Variants in PVT1 observed in about 807,000 individuals in gnomAD.
PVT1 encodes the protein Pvt1 oncogene, also known as CXCR4/PVT1 fusion.
Position 128,091,013 on chromosome 8 carries a change from A to AT in PVT1, n.1115-5499dup, listed in dbSNP as rs552854495. On this transcript the variant is annotated intron_variant and non_coding_transcript_variant, in intron 5 of 10. Coordinates refer to ENST00000651587, the Ensembl canonical transcript of PVT1. ...GATCCTCCTCTGTAAAATGGGAATA[A>AT]TTTTTTCACCTTTCCCACAGACTTT... is the stretch of plus-strand genomic sequence containing the variant. Among the ~76,000 whole-genome samples the AT allele has an allele frequency of 1.3e-3, 194 of 152,176 alleles. 1 individual carries two copies. Among genetic ancestry groups the AT allele is most frequent in the African/African-American group, 4.3e-3 (179 of 41,516 alleles).
rs919642051 is a variant in PVT1, at chr8:127,937,367, G to C, written n.782+46369G>C. 4.6e-5 allele frequency among the ~76,000 whole-genome samples: 7 copies of C among 151,794 alleles called. No individual in the cohort carries two copies. In the South Asian group the frequency reaches 1.5e-3, roughly 32 times the overall value. On this transcript the variant is annotated intron_variant and non_coding_transcript_variant, in intron 3 of 10. Coordinates refer to ENST00000651587, the Ensembl canonical transcript of PVT1. ...GGTTCAAGTGATTTTTGTGCCTCTAGCCTCCTGAGTAGCTGGGATTCCAGG... is the reference window on the plus strand; with the variant it reads ...GGTTCAAGTGATTTTTGTGCCTCTACCCTCCTGAGTAGCTGGGATTCCAGG...
Position 128,002,111 on chromosome 8 carries a change from G to A in PVT1, n.912+12820G>A, listed in dbSNP as rs117788494. Among the ~76,000 whole-genome samples, 1,503 of 152,330 alleles carry A rather than the reference G, an allele frequency of 9.9e-3. 11 individuals are homozygous for A. The highest frequency in any genetic ancestry group is 0.017 in the Non-Finnish European group (1,148 of 68,040). On this transcript the variant is annotated intron_variant and non_coding_transcript_variant, in intron 4 of 10. Coordinates refer to ENST00000651587, the Ensembl canonical transcript of PVT1. ...GCCAGAACGTTATGTTTCTGAGGGTGAAACTTGAGTGATTAATTGACAGTA... is the reference window on the plus strand; with the variant it reads ...GCCAGAACGTTATGTTTCTGAGGGTAAAACTTGAGTGATTAATTGACAGTA...
intron 4 of PVT1, among the ~76,000 whole-genome samples, chr8:128,032,005 C>A (rs748619729): frequency 6.6e-6 from 1 of 152,150 alleles, no homozygotes; most frequent in South Asian, 2.1e-4. Flanking sequence ...ACAGCGATGG[C>A]GGTGGTGAAA....
At chr8:127,976,906 C>T (rs1816828368) in intron 3 of PVT1, among the ~76,000 whole-genome samples, 1 of 152,136 alleles carries the variant, frequency 6.6e-6, no homozygotes, top group Non-Finnish European at 1.5e-5. Flanking sequence ...TCCCAGCCTT[C>T]CCTGGAGTTT....
chr8:127,816,446 C>T (rs965187586), intron 2 of PVT1, among the ~76,000 whole-genome samples: 5 of 151,378 alleles, frequency 3.3e-5, no homozygotes, highest in East Asian at 1.9e-4. Context: ...CTATGCCAGG[C>T]CAACTCTTAT....
intron 3 of PVT1, among the ~76,000 whole-genome samples, chr8:127,914,509 A>G (rs1815955628): frequency 6.6e-6 from 1 of 152,292 alleles, no homozygotes; most frequent in East Asian, 1.9e-4. Flanking sequence ...AAGCTTTTAC[A>G]GGCATGTGCA....
intron 4 of PVT1, among the ~76,000 whole-genome samples, chr8:128,027,889 G>A (rs143618906): frequency 6.6e-6 from 1 of 152,326 alleles, no homozygotes; most frequent in East Asian, 1.9e-4. Context: ...CTCCTGCCAA[G>A]GCACAGCCTT....
At chr8:127,921,839 T>C (rs1037438756) in intron 3 of PVT1, among the ~76,000 whole-genome samples, 2 of 143,208 alleles carry the variant, frequency 1.4e-5, no homozygotes, top group African/African-American at 5.1e-5. Flanking sequence ...AAAAAAATTA[T>C]AATTTTTGGT....
At chr8:127,828,198 T>C in intron 2 of PVT1, among the ~76,000 whole-genome samples, 1 of 152,184 alleles carries the variant, frequency 6.6e-6, no homozygotes, top group East Asian at 1.9e-4. Context: ...GGCTCTCTCC[T>C]CATTTCATTC....
chr8:127,931,616 T>G (rs879290572), intron 3 of PVT1, among the ~76,000 whole-genome samples: 1 of 152,182 alleles, frequency 6.6e-6, no homozygotes, highest in Non-Finnish European at 1.5e-5. Context: ...AGCTGGAAAG[T>G]GGTAGAGCTG....
chr8:127,936,573 T>C (rs879792771), intron 3 of PVT1, among the ~76,000 whole-genome samples: 1 of 152,132 alleles, frequency 6.6e-6, no homozygotes, highest in Non-Finnish European at 1.5e-5. Context: ...CTGTGCATCC[T>C]ACCGCTCCAC....
Position 127,922,548 on chromosome 8 carries a change from C to T in PVT1, n.782+31550C>T, listed in dbSNP as rs79762847. Among the ~76,000 whole-genome samples, 679 of 152,286 alleles carry T rather than the reference C, an allele frequency of 4.5e-3. 35 individuals are homozygous for T. The East Asian group carries it at 0.1, about 23-fold the overall frequency. The stretch of plus-strand genomic sequence containing the variant: ...AGTTCACTCTTCTTTGCCTTGACTG[C>T]ACCTCTCTGAGCTACCTTCCTACCT... On this transcript the variant is annotated intron_variant and non_coding_transcript_variant, in intron 3 of 10. Coordinates refer to ENST00000651587, the Ensembl canonical transcript of PVT1.
chr8:127,940,234 G>A (rs1338751309), intron 3 of PVT1: 1 of 152,136 alleles, frequency 6.6e-6, no homozygotes, highest in East Asian at 1.9e-4. Flanking sequence ...GACAGGCCAA[G>A]ATCTTTTAAC....
At chr8:127,931,852 G>A (rs922471542) in intron 3 of PVT1, among the ~76,000 whole-genome samples, 2 of 152,218 alleles carry the variant, frequency 1.3e-5, no homozygotes, top group African/African-American at 2.4e-5. Flanking sequence ...CCCCAAATAC[G>A]GCCAGGGCCA....
At chr8:128,013,048 T>C (rs1817333373) in intron 4 of PVT1, among the ~76,000 whole-genome samples, 1 of 152,178 alleles carries the variant, frequency 6.6e-6, no homozygotes, top group African/African-American at 2.4e-5. Context: ...GCTTTTGGTT[T>C]TGTAGAAATG....
intron 3 of PVT1, among the ~76,000 whole-genome samples, chr8:127,911,392 C>T (rs994259569): frequency 6.6e-6 from 1 of 152,330 alleles, no homozygotes; most frequent in South Asian, 2.1e-4. Flanking sequence ...CACAGCAGGT[C>T]GGAGTGGCCG....
chr8:128,093,625 C>T (rs1484511619), intron 5 of PVT1, among the ~76,000 whole-genome samples: 1 of 152,096 alleles, frequency 6.6e-6, no homozygotes, highest in East Asian at 1.9e-4. Flanking sequence ...TATCACCTCC[C>T]TCAGGGCTCT....
intron 2 of PVT1, among the ~76,000 whole-genome samples, chr8:127,884,598 C>T (rs777670083): frequency 2.6e-5 from 4 of 152,202 alleles, no homozygotes; most frequent in Non-Finnish European, 4.4e-5. Flanking sequence ...TTCACCAGCA[C>T]GTATGAATTC....
chr8:128,003,703 A>T (rs889411942), intron 4 of PVT1, among the ~76,000 whole-genome samples: 1 of 152,224 alleles, frequency 6.6e-6, no homozygotes, highest in African/African-American at 2.4e-5. Flanking sequence ...AGGCATTCAT[A>T]TGCATATGTG....
Sources: allele counts gnomAD v4.1 joint callset (sites outside exome capture counted in the v4.1 genomes callset), GRCh38; gene constraint gnomAD v4.1.1; transcripts MANE v1.5; gene names NCBI Gene and HGNC (gene_info 2026-07-23, HGNC 2026-07-21).